HFM1: variants seen among roughly 807,000 people sequenced by gnomAD.
HFM1 encodes helicase for meiosis 1.
Under a neutral mutation model 192.1 loss-of-function variants are expected in HFM1, and 169 were observed. The observed-to-expected ratio is 0.88, with a 90% CI of 0.78 to 1.00. HFM1 has a LOEUF of 1.00. HFM1 is among the 50% of genes least tolerant of loss of function. The pLI, the probability that HFM1 is intolerant of heterozygous loss-of-function variation, is 0.00. For synonymous variants in HFM1, 525 were observed against 537.8 expected (o/e 0.98, Z 0.33); for missense variants, 1,661 against 1,668.0 (o/e 1.00, Z 0.07).
intron 6 of HFM1, among the ~76,000 whole-genome samples, chr1:91,383,920 C>G (rs1008948583): frequency 2.3e-4 from 8 of 34,496 alleles, no homozygotes; most frequent in African/African-American, 8.2e-4. Flanking sequence ...TCATGTTGTA[C>G]TCCTTAAAAA....
chr1:91,397,314 C>T (rs1663780218), intron 2 of HFM1, among the ~76,000 whole-genome samples: 2 of 152,152 alleles, frequency 1.3e-5, no homozygotes, highest in Non-Finnish European at 1.5e-5. Flanking sequence ...TTAACTACCC[C>T]TCCTCATCTT....
At chr1:91,358,557 C>A (rs2101803717) in intron 13 of HFM1, among the ~76,000 whole-genome samples, 1 of 152,204 alleles carries the variant, frequency 6.6e-6, no homozygotes, top group Middle Eastern at 3.4e-3. Context: ...ACAATAGTTT[C>A]TTCTATAAAT....
intron 30 of HFM1, among the ~76,000 whole-genome samples, chr1:91,279,671 C>T (rs1261439285): frequency 6.6e-6 from 1 of 152,094 alleles, no homozygotes; most frequent in Non-Finnish European, 1.5e-5. Context: ...ATAACTGTAG[C>T]TTTGATACTA....
At position 91,281,621 on chromosome 1, in the gene HFM1, G is replaced by C. The variant is rs201373537; in HGVS notation, c.3392-4559C>G. ...AGGATGTATAAGAATAAAATTTTCT[G>C]AATCTTTGAATGTATTAAGGCATCT... On this transcript the variant is annotated intron_variant, in intron 30 of 38. Transcript: ENST00000370425. 5.3e-5 allele frequency among the ~76,000 whole-genome samples: 8 copies of C among 152,186 alleles called. No homozygotes were observed. The East Asian group carries it at 1.5e-3, about 29-fold the overall frequency.
At chr1:91,372,116 A>G (rs1660295023) in intron 13 of HFM1, among the ~76,000 whole-genome samples, 1 of 152,230 alleles carries the variant, frequency 6.6e-6, no homozygotes, top group Admixed American at 6.5e-5. Context: ...GTGGAGAAAT[A>G]GGAACACTTT....
intron 15 of HFM1, 91 bp from the exon 16 acceptor site, chr1:91,352,742 T>C (rs1368544139): frequency 4.2e-6 from 4 of 941,488 alleles, no homozygotes; most frequent in Non-Finnish European, 1.5e-6. Flanking sequence ...ATAAATGTAA[T>C]AAAAACTCAT....
chr1:91,390,027 T>C (rs1003787942), intron 4 of HFM1, among the ~76,000 whole-genome samples: 3 of 152,202 alleles, frequency 2.0e-5, no homozygotes, highest in African/African-American at 7.2e-5. Context: ...TGCATTTTCA[T>C]AGCAATATTA....
intron 30 of HFM1, among the ~76,000 whole-genome samples, chr1:91,294,956 G>A (rs747945991): frequency 2.8e-4 from 43 of 152,084 alleles, no homozygotes; most frequent in African/African-American, 4.3e-4. Context: ...GCTAGTTTTC[G>A]GAAGTAGTTG....
At chr1:91,293,490 C>A (rs1272366929) in intron 30 of HFM1, among the ~76,000 whole-genome samples, 1 of 151,544 alleles carries the variant, frequency 6.6e-6, no homozygotes, top group African/African-American at 2.4e-5. Context: ...AAATCAAAAC[C>A]ACAATGAGAT....
At chr1:91,328,266 C>A in intron 20 of HFM1, 2 of 754,316 alleles carry the variant, frequency 2.7e-6, no homozygotes, top group East Asian at 3.0e-5. Flanking sequence ...CGACCCGCAG[C>A]TAAGCTGAGG....
intron 20 of HFM1, chr1:91,339,003 G>C (rs1654980608): frequency 2.2e-6 from 1 of 455,658 alleles, no homozygotes; most frequent in South Asian, 1.5e-5. Context: ...CAGGAGCACT[G>C]AGCTGAGCCC....
chr1:91,386,648 G>A (rs1042030995), intron 4 of HFM1, among the ~76,000 whole-genome samples: 1 of 152,140 alleles, frequency 6.6e-6, no homozygotes, highest in African/African-American at 2.4e-5. Flanking sequence ...AAGTGCTTAA[G>A]AGAGAGAAAA....
chr1:91,346,250 T>A (rs1386889685), intron 19 of HFM1, among the ~76,000 whole-genome samples: 2 of 152,234 alleles, frequency 1.3e-5, no homozygotes, highest in African/African-American at 4.8e-5. Context: ...ATTCTGCTAA[T>A]TTAACAAGAG....
chr1:91,384,751 T>A (rs1273047359), intron 6 of HFM1, among the ~76,000 whole-genome samples: 1 of 151,368 alleles, frequency 6.6e-6, no homozygotes, highest in Non-Finnish European at 1.5e-5. Context: ...ATACATCTTT[T>A]TTTTTTTTTT....
intron 2 of HFM1, among the ~76,000 whole-genome samples, chr1:91,397,205 A>C (rs2102177822): frequency 6.6e-6 from 1 of 152,324 alleles, no homozygotes; most frequent in African/African-American, 2.4e-5. Context: ...CTTAGTCCAA[A>C]CCATCTACAA....
intron 20 of HFM1, among the ~76,000 whole-genome samples, chr1:91,332,190 C>A (rs1474294611): frequency 2.0e-5 from 3 of 152,106 alleles, no homozygotes; most frequent in Admixed American, 6.5e-5. Context: ...AATTACATTA[C>A]CTGATTTCAA....
intron 30 of HFM1, among the ~76,000 whole-genome samples, chr1:91,290,585 C>A (rs1334814364): frequency 1.3e-5 from 2 of 152,114 alleles, no homozygotes; most frequent in African/African-American, 4.8e-5. Flanking sequence ...GACTTAGACT[C>A]CCACACATTA....
At chr1:91,326,428 C>T (rs1358579334) in intron 20 of HFM1, among the ~76,000 whole-genome samples, 1 of 152,032 alleles carries the variant, frequency 6.6e-6, no homozygotes, top group Admixed American at 6.6e-5. Context: ...TCAGTGGAAA[C>T]CTTACAGGCC....
At chr1:91,286,814 C>G (rs1005804854) in intron 30 of HFM1, among the ~76,000 whole-genome samples, 6 of 152,184 alleles carry the variant, frequency 3.9e-5, no homozygotes, top group Non-Finnish European at 8.8e-5. Context: ...CACCGTGCGC[C>G]AGCCGAAGCA....
Sources: allele counts gnomAD v4.1 joint callset (sites outside exome capture counted in the v4.1 genomes callset), GRCh38; gene constraint gnomAD v4.1.1; transcripts MANE v1.5; gene names NCBI Gene and HGNC (gene_info 2026-07-23, HGNC 2026-07-21).